GALNT13: variants seen among roughly 807,000 people sequenced by gnomAD.
The protein encoded by GALNT13 is UDP-GalNAc:polypeptide N-acetylgalactosaminyltransferase 13.
A neutral mutation model predicts 64.2 loss-of-function variants in GALNT13; 28 were observed. The ratio of observed to expected loss-of-function variants is 0.44; its 90% confidence interval spans 0.32 to 0.60. The LOEUF (loss-of-function observed/expected upper bound fraction) is 0.60, where lower values mean the gene tolerates loss of function less well. Ranked by LOEUF, GALNT13 falls within the 20% of genes least tolerant of loss-of-function variation. GALNT13 has a pLI of 0.05. For synonymous variants in GALNT13, 214 were observed against 224.6 expected (o/e 0.95, Z 0.42); for missense variants, 577 against 669.8 (o/e 0.86, Z 1.53).
At chr2:153,602,988 T>C in the GALNT13 span, among the ~76,000 whole-genome samples, 3 of 151,914 alleles carry the variant, frequency 2.0e-5, no homozygotes, top group African/African-American at 7.2e-5. Context: ...ATATTTCTTC[T>C]GTACTTTTAA....
At chr2:153,305,804 A>T in the GALNT13 span, among the ~76,000 whole-genome samples, 1 of 152,012 alleles carries the variant, frequency 6.6e-6, no homozygotes, top group African/African-American at 2.4e-5. Context: ...GACAGGTTTT[A>T]TTTTTTATGT....
chr2:153,226,496 A>G, the GALNT13 span, among the ~76,000 whole-genome samples: 2 of 152,214 alleles, frequency 1.3e-5, no homozygotes, highest in Non-Finnish European at 2.9e-5. Flanking sequence ...ATCATCAATG[A>G]TGACAGTATG....
the GALNT13 span, among the ~76,000 whole-genome samples, chr2:153,111,977 C>T: frequency 6.6e-6 from 1 of 152,114 alleles, no homozygotes; most frequent in Non-Finnish European, 1.5e-5. Flanking sequence ...ATTTAAAAGA[C>T]TATACTAGGC....
chr2:153,344,157 A>G, the GALNT13 span, among the ~76,000 whole-genome samples: 6 of 152,206 alleles, frequency 3.9e-5, no homozygotes, highest in Admixed American at 3.3e-4. Flanking sequence ...ATTTTCCAAC[A>G]TAATCATAAT....
chr2:154,330,763 GCTGT>G (rs1257511540), intron 9 of GALNT13, among the ~76,000 whole-genome samples: 1 of 152,058 alleles, frequency 6.6e-6, no homozygotes, highest in African/African-American at 2.4e-5. Flanking sequence ...GTTCCATTAT[GCTGT>G]CTAATATAGT....
At chr2:154,043,105 T>G (rs917132667) in intron 3 of GALNT13, among the ~76,000 whole-genome samples, 1 of 152,032 alleles carries the variant, frequency 6.6e-6, no homozygotes, top group Non-Finnish European at 1.5e-5. Flanking sequence ...GGCCCTGTGA[T>G]GATGACAGCA....
At chr2:153,414,586 A>AAACT in the GALNT13 span, among the ~76,000 whole-genome samples, 1 of 152,018 alleles carries the variant, frequency 6.6e-6, no homozygotes, top group South Asian at 2.1e-4. Context: ...TTCAAAATGA[A>AAACT]AACTATCATT....
chr2:153,500,792 A>T, the GALNT13 span, among the ~76,000 whole-genome samples: 1 of 152,226 alleles, frequency 6.6e-6, no homozygotes, highest in Non-Finnish European at 1.5e-5. Context: ...TCACAGTCAA[A>T]AACCTGATTG....
the GALNT13 span, among the ~76,000 whole-genome samples, chr2:153,702,040 T>A: frequency 6.6e-6 from 1 of 152,152 alleles, no homozygotes; most frequent in Non-Finnish European, 1.5e-5. Flanking sequence ...TGTATGTTTA[T>A]TGCAACACTA....
At chr2:153,696,700 G>A in the GALNT13 span, among the ~76,000 whole-genome samples, 1 of 152,154 alleles carries the variant, frequency 6.6e-6, no homozygotes, top group Admixed American at 6.5e-5. Context: ...TTGGACTGCA[G>A]TTGACCATGG....
the GALNT13 span, among the ~76,000 whole-genome samples, chr2:153,591,740 C>T: frequency 6.6e-6 from 1 of 151,936 alleles, no homozygotes; most frequent in Admixed American, 6.6e-5. Flanking sequence ...TGGAAGTAAA[C>T]ACAGGGAAAA....
the GALNT13 span, among the ~76,000 whole-genome samples, chr2:153,395,599 T>A: frequency 1.3e-5 from 2 of 152,156 alleles, no homozygotes; most frequent in Admixed American, 1.3e-4. Context: ...AGTTTCTATA[T>A]AGAAAAAATG....
At chr2:153,201,381 G>A in the GALNT13 span, among the ~76,000 whole-genome samples, 10 of 152,286 alleles carry the variant, frequency 6.6e-5, no homozygotes, top group Non-Finnish European at 1.5e-4. Context: ...AAAACGGAAA[G>A]CTAAACAATA....
chr2:153,373,419 T>C, the GALNT13 span, among the ~76,000 whole-genome samples: 109 of 152,304 alleles, frequency 7.2e-4, no homozygotes, highest in Non-Finnish European at 1.4e-3. Flanking sequence ...TTTATCACAG[T>C]ATCAAATATA....
chr2:153,654,065 C>G, the GALNT13 span, among the ~76,000 whole-genome samples: 1 of 151,992 alleles, frequency 6.6e-6, no homozygotes, highest in African/African-American at 2.4e-5. Flanking sequence ...CATTAAGATA[C>G]ACATGGCACC....
At chr2:153,895,028 A>G (rs1193608656) in intron 1 of GALNT13, among the ~76,000 whole-genome samples, 1 of 152,152 alleles carries the variant, frequency 6.6e-6, no homozygotes, top group Non-Finnish European at 1.5e-5. Context: ...TAATTTAATA[A>G]TACAAAATGT....
At chr2:153,612,365 A>C in the GALNT13 span, among the ~76,000 whole-genome samples, 1 of 152,162 alleles carries the variant, frequency 6.6e-6, no homozygotes, top group Admixed American at 6.6e-5. Flanking sequence ...ATGTTGTACT[A>C]TTGTACTATA....
In GALNT13 at chr2:154,167,357, T is replaced by C. The variant is rs142918107; in HGVS notation, c.311+26852T>C. Among the ~76,000 whole-genome samples the C allele has an allele frequency of 1.8e-4, 27 of 152,238 alleles. No homozygotes were observed. The East Asian group carries it at 5.3e-3, about 30-fold the overall frequency. On this transcript the variant is annotated intron_variant, in intron 4 of 12. Coordinates refer to ENST00000392825, the MANE Select transcript of GALNT13 (RefSeq NM_052917.4). ...TTGATCTGTTTCTCTAATAGGCACATATAGCACTTTTAAAATTGTATTCTT... is the reference window on the plus strand; with the variant it reads ...TTGATCTGTTTCTCTAATAGGCACACATAGCACTTTTAAAATTGTATTCTT...
At chr2:153,239,677 CACTT>C in the GALNT13 span, among the ~76,000 whole-genome samples, 1 of 152,090 alleles carries the variant, frequency 6.6e-6, no homozygotes, top group Admixed American at 6.6e-5. Context: ...GGATAAGTCA[CACTT>C]AGTCATGATG....
Sources: gnomAD v4.1 joint callset for allele counts (sites outside exome capture counted in the v4.1 genomes callset) on GRCh38, gnomAD v4.1.1 for gene constraint, MANE v1.5 for transcripts, NCBI Gene and HGNC (gene_info 2026-07-23, HGNC 2026-07-21) for gene names.